Variants in ATP6V0E1 observed in about 807,000 individuals in gnomAD.
ATP6V0E1 encodes the protein ATPase H+ transporting V0 subunit e1, also known as V-type proton ATPase subunit e 1.
In ATP6V0E1, 4 loss-of-function variants were observed where a neutral mutation model predicts 11.6. That is an observed-to-expected ratio of 0.35 (90% CI 0.17 to 0.79). The LOEUF (loss-of-function observed/expected upper bound fraction) is 0.79. ATP6V0E1 is among the 30% of genes least tolerant of loss of function. The probability of loss-of-function intolerance (pLI) is 0.54; values close to 1 mark genes in which losing one functional copy is unlikely to be tolerated. For missense variants in ATP6V0E1, 105 were observed against 100.0 expected (o/e 1.05, Z -0.21); for synonymous variants, 36 against 34.8 (o/e 1.04, Z -0.13).
At chr5:173,021,190 G>A (rs145863161) in intron 3 of ATP6V0E1, among the ~76,000 whole-genome samples, 7 of 152,218 alleles carry the variant, frequency 4.6e-5, no homozygotes, top group Non-Finnish European at 5.9e-5. Flanking sequence ...GAGGTGCCAG[G>A]CTCCTTTAAA....
intron 2 of ATP6V0E1, among the ~76,000 whole-genome samples, chr5:173,005,546 T>C (rs919982468): frequency 1.1e-4 from 16 of 152,232 alleles, no homozygotes; most frequent in Admixed American, 2.0e-4. Flanking sequence ...TCAAGTATTT[T>C]AATGTAATTT....
chr5:173,024,310 A>C (rs886295517), intron 3 of ATP6V0E1, among the ~76,000 whole-genome samples: 1 of 151,934 alleles, frequency 6.6e-6, no homozygotes, highest in African/African-American at 2.4e-5. Flanking sequence ...GCCAAGTTCC[A>C]GGGTATTCAA....
In ATP6V0E1 at chr5:173,020,322, T is replaced by C. The variant is rs757240481; in HGVS notation, c.237T>C (p.His79=). ...KNETIWYLKY[H]WP is the part of the protein sequence containing the mutation. Reference sequence around the variant, plus strand: ...AAACCATCTGGTATCTGAAGTATCATTGGCCTTGAGGAAGAAGACATGCTC... The same window carrying C: ...AAACCATCTGGTATCTGAAGTATCACTGGCCTTGAGGAAGAAGACATGCTC... The change falls in exon 3 of 4, where the codon CAT becomes CAC. Residue 79 remains histidine (H), a synonymous_variant. Transcript: ENST00000519374. 1.4e-5 allele frequency: 23 copies of C among 1,612,198 alleles called. No homozygotes were observed. Among genetic ancestry groups the C allele is most frequent in the South Asian group, 4.4e-5 (4 of 91,024 alleles).
At chr5:173,014,075 C>T (rs1214907972) in intron 2 of ATP6V0E1, among the ~76,000 whole-genome samples, 1 of 150,218 alleles carries the variant, frequency 6.7e-6, no homozygotes, top group African/African-American at 2.5e-5. Context: ...GCAGGAGAAT[C>T]ACTTCAACCC....
intron 2 of ATP6V0E1, among the ~76,000 whole-genome samples, chr5:173,006,178 G>A (rs1416689856): frequency 6.6e-6 from 1 of 152,092 alleles, no homozygotes; most frequent in African/African-American, 2.4e-5. Context: ...TGAAAAGAGG[G>A]ATGCTAAAAA....
intron 2 of ATP6V0E1, among the ~76,000 whole-genome samples, chr5:173,018,578 T>C (rs1384757169): frequency 1.3e-5 from 2 of 152,178 alleles, no homozygotes; most frequent in African/African-American, 4.8e-5. Context: ...CTGTCTGTCT[T>C]CCTCCTTCCC....
chr5:173,033,886 T>C (rs1405381802), intron 3 of ATP6V0E1, among the ~76,000 whole-genome samples: 1 of 151,642 alleles, frequency 6.6e-6, no homozygotes, highest in East Asian at 1.9e-4. Flanking sequence ...AAAGATGGTG[T>C]TGAATTTAAG....
intron 2 of ATP6V0E1, among the ~76,000 whole-genome samples, chr5:173,005,447 C>CA (rs1393679459): frequency 2.0e-5 from 3 of 152,182 alleles, no homozygotes; most frequent in Non-Finnish European, 4.4e-5. Context: ...CTCCTGGGCT[C>CA]AAACGATCTG....
At chr5:173,019,241 C>T (rs1756445285) in intron 2 of ATP6V0E1, among the ~76,000 whole-genome samples, 1 of 152,176 alleles carries the variant, frequency 6.6e-6, no homozygotes, top group South Asian at 2.1e-4. Flanking sequence ...AGCCACCGCA[C>T]CCAACCTGTT....
intron 2 of ATP6V0E1, among the ~76,000 whole-genome samples, chr5:173,013,596 A>G (rs1044362729): frequency 6.7e-6 from 1 of 148,900 alleles, no homozygotes; most frequent in African/African-American, 2.5e-5. Flanking sequence ...AAAAAAAAAG[A>G]GACAACTTGT....
intron 1 of ATP6V0E1, 127 bp downstream of exon 1, chr5:172,984,091 G>A: frequency 1.1e-6 from 1 of 881,956 alleles, no homozygotes; most frequent in South Asian, 1.4e-5. Flanking sequence ...TGCAGAGTCA[G>A]GCCCCCGACC....
chr5:173,033,412 G>T (rs925990820), intron 3 of ATP6V0E1, among the ~76,000 whole-genome samples: 1 of 152,144 alleles, frequency 6.6e-6, no homozygotes, highest in African/African-American at 2.4e-5. Context: ...AGGCTGTTCT[G>T]CTGGCCTAAG....
chr5:172,985,392 C>G (rs982793459), intron 1 of ATP6V0E1, among the ~76,000 whole-genome samples: 2 of 151,932 alleles, frequency 1.3e-5, no homozygotes, highest in Non-Finnish European at 2.9e-5. Flanking sequence ...GAATTTTTAT[C>G]ATTTTTAAGT....
rs1327889413 is a variant in ATP6V0E1, at chr5:173,020,266, A to T, written c.181A>T (p.Asn61Tyr). 1.9e-6 allele frequency: 3 copies of T among 1,613,940 alleles called. No individual in the cohort carries two copies. The highest frequency in any genetic ancestry group is 2.5e-6 in the Non-Finnish European group (3 of 1,179,866). Residue 61 changes from asparagine (N) to tyrosine (Y), a missense_variant, in exon 3 of 4, where the codon AAC becomes TAC. Coordinates refer to ENST00000519374, the MANE Select transcript of ATP6V0E1 (RefSeq NM_003945.4). Reference sequence around the variant, plus strand: ...GCTGATTGCAATTCTGGCCCAACTCAACCCTCTCTTTGGACCGCAATTGAA... The same window carrying T: ...GCTGATTGCAATTCTGGCCCAACTCTACCCTCTCTTTGGACCGCAATTGAA... Reference protein sequence around the residue: ...FWLIAILAQLNPLFGPQLKNE... With the variant: ...FWLIAILAQLYPLFGPQLKNE...
At chr5:173,006,774 T>C (rs564998390) in intron 2 of ATP6V0E1, among the ~76,000 whole-genome samples, 7 of 152,318 alleles carry the variant, frequency 4.6e-5, no homozygotes, top group African/African-American at 1.7e-4. Context: ...CCTTCCTCTC[T>C]GAGTACCTGC....
intron 1 of ATP6V0E1, among the ~76,000 whole-genome samples, chr5:172,986,321 T>C (rs1755896764): frequency 6.6e-6 from 1 of 152,226 alleles, no homozygotes; most frequent in Admixed American, 6.5e-5. Context: ...TTTTTGACTC[T>C]TGTACTAACA....
chr5:172,998,497 G>A (rs376313207), intron 2 of ATP6V0E1, among the ~76,000 whole-genome samples: 4 of 151,778 alleles, frequency 2.6e-5, no homozygotes, highest in Admixed American at 6.6e-5. Flanking sequence ...TGTAGTCCCA[G>A]CTACTTGGGA....
chr5:172,997,907 G>C (rs891451379), intron 2 of ATP6V0E1, among the ~76,000 whole-genome samples: 1 of 151,686 alleles, frequency 6.6e-6, no homozygotes, highest in Non-Finnish European at 1.5e-5. Context: ...ACTTGAGCCC[G>C]GGAGTTCAAG....
intron 2 of ATP6V0E1, among the ~76,000 whole-genome samples, chr5:172,998,128 A>G (rs1188012226): frequency 6.6e-6 from 1 of 150,572 alleles, no homozygotes; most frequent in Non-Finnish European, 1.5e-5. Flanking sequence ...AAAAGTTGTG[A>G]TAAATGATGT....
Sources: gnomAD v4.1 joint callset for allele counts (sites outside exome capture counted in the v4.1 genomes callset) on GRCh38, gnomAD v4.1.1 for gene constraint, MANE v1.5 for transcripts, NCBI Gene and HGNC (gene_info 2026-07-23, HGNC 2026-07-21) for gene names.